Variants in DCC observed in about 807,000 individuals in gnomAD.
DCC encodes the protein DCC netrin 1 receptor.
DCC carries 58 observed loss-of-function variants against 172.5 expected under a neutral mutation model. The ratio of observed to expected loss-of-function variants is 0.34; its 90% CI spans 0.27 to 0.42. DCC has a LOEUF of 0.42. Among genes scored for constraint, DCC ranks in the 10% least tolerant of loss-of-function variants. The probability of loss-of-function intolerance (pLI) is 1.00; values close to 1 mark genes in which losing one functional copy is unlikely to be tolerated. For missense variants in DCC, 1,740 were observed against 1,791.0 expected (o/e 0.97, Z 0.51); for synonymous variants, 709 against 644.5 (o/e 1.10, Z -1.52).
intron 1 of DCC, among the ~76,000 whole-genome samples, chr18:52,495,951 C>G (rs1047103419): frequency 6.6e-6 from 1 of 151,994 alleles, no homozygotes; most frequent in Non-Finnish European, 1.5e-5. Context: ...GAAGAAAACC[C>G]TGCTTTCTAT....
chr18:52,521,510 T>A lies in DCC; in HGVS notation c.91+180632T>A, dbSNP rs150614263. Among the ~76,000 whole-genome samples, 379 of 152,292 alleles carry A rather than the reference T, an allele frequency of 2.5e-3. 4 individuals carry two copies. The highest frequency in any genetic ancestry group is 8.8e-3 in the African/African-American group (366 of 41,562). ...CTTGCAGATGGCCACCTTCTTACTGTGTGCCTACATGGCCCCATCACCAAA... is the reference window on the plus strand; with the variant it reads ...CTTGCAGATGGCCACCTTCTTACTGAGTGCCTACATGGCCCCATCACCAAA... On this transcript the variant is annotated intron_variant, in intron 1 of 28. Transcript: ENST00000442544.
At chr18:53,255,783 G>A (rs779674050) in intron 12 of DCC, among the ~76,000 whole-genome samples, 5 of 152,196 alleles carry the variant, frequency 3.3e-5, no homozygotes, top group South Asian at 4.1e-4. Context: ...CTGAGGAATC[G>A]CCACACCAAC....
chr18:52,745,134 C>T (rs751549100), intron 1 of DCC, among the ~76,000 whole-genome samples: 11 of 152,158 alleles, frequency 7.2e-5, no homozygotes, highest in Non-Finnish European at 1.5e-4. Context: ...ATCCTTTCTC[C>T]ACTTCAGCCT....
At chr18:52,799,732 C>A (rs2037946777) in intron 2 of DCC, among the ~76,000 whole-genome samples, 1 of 152,194 alleles carries the variant, frequency 6.6e-6, no homozygotes, top group African/African-American at 2.4e-5. Flanking sequence ...TAATTGATTT[C>A]TGAACAATTG....
At position 53,269,091 on chromosome 18, in the gene DCC, CGT is replaced by C. The variant is rs140352533; in HGVS notation, c.1912-36469_1912-36468del. On this transcript the variant is annotated intron_variant, in intron 12 of 28. Coordinates refer to ENST00000442544, the MANE Select transcript of DCC (RefSeq NM_005215.4). ...ACAATTATCCTGATAGATGTGTGTG[CGT>C]GTGTGTGTGTGTGTGTGCATGCACG... Among the ~76,000 whole-genome samples the C allele has an allele frequency of 1.3e-3, 200 of 148,928 alleles. 1 individual carries two copies. Among genetic ancestry groups the C allele is most frequent in the Middle Eastern group, 7.0e-3 (2 of 284 alleles).
chr18:52,760,814 G>A (rs2145148036), intron 2 of DCC, among the ~76,000 whole-genome samples: 1 of 152,196 alleles, frequency 6.6e-6, no homozygotes, highest in East Asian at 1.9e-4. Flanking sequence ...GTGTGTCCTG[G>A]AAGCCAAGTA....
chr18:52,713,650 A>G (rs572083636), intron 1 of DCC, among the ~76,000 whole-genome samples: 19 of 152,312 alleles, frequency 1.2e-4, no homozygotes, highest in South Asian at 8.3e-4. Context: ...TATTGTGTTC[A>G]GCCCAGAGTT....
chr18:53,058,848 A>C (rs984482535), intron 5 of DCC, among the ~76,000 whole-genome samples: 22 of 152,108 alleles, frequency 1.4e-4, no homozygotes, highest in African/African-American at 5.3e-4. Context: ...AAGGAGAGAA[A>C]ATTTTTCAAG....
chr18:53,177,459 G>A (rs190101688), intron 8 of DCC, among the ~76,000 whole-genome samples: 12 of 152,244 alleles, frequency 7.9e-5, no homozygotes, highest in East Asian at 7.7e-4. Context: ...ATGGTAACCC[G>A]TATAACAAAT....
chr18:52,403,113 C>G lies in DCC; in HGVS notation c.91+62235C>G, dbSNP rs544301930. 2.0e-5 allele frequency among the ~76,000 whole-genome samples: 3 copies of G among 152,102 alleles called. No homozygotes were observed. In the South Asian group the frequency reaches 6.2e-4, roughly 32 times the overall value. On this transcript the variant is annotated intron_variant, in intron 1 of 28. Coordinates refer to ENST00000442544, the MANE Select transcript of DCC (RefSeq NM_005215.4). The stretch of plus-strand genomic sequence containing the variant: ...TTGATGGTGGACAAAAAGCATTTGA[C>G]TATTTGTTTTTTTGAGAGTTTCAGG...
chr18:53,110,867 A>G (rs1200340841), intron 7 of DCC, among the ~76,000 whole-genome samples: 1 of 124,332 alleles, frequency 8.0e-6, no homozygotes, highest in African/African-American at 3.2e-5. Flanking sequence ...TAGAACTAGA[A>G]ATACCATTTG....
intron 12 of DCC, among the ~76,000 whole-genome samples, chr18:53,240,040 AAAAAAAAAAAC>A (rs1393922976): frequency 2.6e-4 from 37 of 142,496 alleles, no homozygotes; most frequent in Non-Finnish European, 4.7e-4. Flanking sequence ...AAAAAAAAAA[AAAAAAAAAAAC>A]AACAAAACAC....
chr18:53,078,477 C>T (rs994001691), intron 7 of DCC, among the ~76,000 whole-genome samples: 4 of 152,008 alleles, frequency 2.6e-5, no homozygotes, highest in South Asian at 2.1e-4. Flanking sequence ...CCCTATCTTA[C>T]GAGGATGGTA....
intron 3 of DCC, among the ~76,000 whole-genome samples, chr18:52,920,641 A>G (rs1274807585): frequency 2.0e-5 from 3 of 152,158 alleles, no homozygotes; most frequent in Non-Finnish European, 2.9e-5. Flanking sequence ...TCACAAAGCT[A>G]AACAGTTTTA....
At chr18:52,787,532 G>C (rs1473013099) in intron 2 of DCC, among the ~76,000 whole-genome samples, 1 of 152,054 alleles carries the variant, frequency 6.6e-6, no homozygotes, top group African/African-American at 2.4e-5. Flanking sequence ...CCCATGCACT[G>C]TTGGAACATA....
chr18:52,748,672 A>G (rs545624867), intron 1 of DCC, among the ~76,000 whole-genome samples: 37 of 152,300 alleles, frequency 2.4e-4, no homozygotes, highest in African/African-American at 6.0e-4. Flanking sequence ...CTGATGTTCA[A>G]TGGGTCCCAG....
chr18:53,273,294 A>G (rs952366335), intron 12 of DCC, among the ~76,000 whole-genome samples: 4 of 152,124 alleles, frequency 2.6e-5, no homozygotes, highest in African/African-American at 7.2e-5. Flanking sequence ...ATTTCAGTCA[A>G]TGAGGTTTGT....
intron 2 of DCC, among the ~76,000 whole-genome samples, chr18:52,795,843 G>A (rs1438659819): frequency 6.6e-6 from 1 of 151,780 alleles, no homozygotes; most frequent in Middle Eastern, 3.2e-3. Flanking sequence ...CTTCATTGAT[G>A]CAATAGTTGC....
chr18:53,455,304 G>A (rs2045469956), intron 23 of DCC, among the ~76,000 whole-genome samples: 1 of 152,146 alleles, frequency 6.6e-6, no homozygotes, highest in Non-Finnish European at 1.5e-5. Flanking sequence ...TGAGTCCGTA[G>A]TGGAAATTTA....
Sources: gnomAD v4.1 joint callset for allele counts (sites outside exome capture counted in the v4.1 genomes callset) on GRCh38, gnomAD v4.1.1 for gene constraint, MANE v1.5 for transcripts, NCBI Gene and HGNC (gene_info 2026-07-23, HGNC 2026-07-21) for gene names.